CNTNAP3B: variants seen among roughly 807,000 people sequenced by gnomAD.
CNTNAP3B encodes contactin associated protein family member 3B.
A neutral mutation model predicts 108.9 loss-of-function variants in CNTNAP3B; 25 were observed. That is an observed-to-expected ratio of 0.23 (90% CI 0.17 to 0.32). The LOEUF (loss-of-function observed/expected upper bound fraction) is 0.32. Among genes scored for constraint, CNTNAP3B ranks in the 10% least tolerant of loss-of-function variants. The pLI is 1.00. For synonymous variants in CNTNAP3B, 103 were observed against 473.4 expected, an observed-to-expected ratio of 0.22 and a Z score of 10.16; for missense variants, 252 against 1,210.4, an observed-to-expected ratio of 0.21 and a Z score of 11.75.
At chr9:42,113,540 T>G (rs185498542) in intron 1 of CNTNAP3B, among the ~76,000 whole-genome samples, 1,938 of 138,358 alleles carry the variant, frequency 0.014, 294 homozygotes, top group South Asian at 0.06. Flanking sequence ...CAGAAAAAAA[T>G]ACAACAACAC....
At chr9:42,091,129 T>C (rs1285160400) in intron 2 of CNTNAP3B, among the ~76,000 whole-genome samples, 3 of 30,146 alleles carry the variant, frequency 1.0e-4, no homozygotes, top group African/African-American at 2.9e-4. Context: ...AAATTAATCA[T>C]ACACTTGTGA....
intron 3 of CNTNAP3B, among the ~76,000 whole-genome samples, chr9:42,061,309 TTC>T (rs1402185167): frequency 2.7e-5 from 3 of 109,842 alleles, no homozygotes; most frequent in East Asian, 3.8e-4. Flanking sequence ...TTTCTGAATT[TTC>T]TTTTTCTTTT....
chr9:41,944,575 T>C (rs2118103668), intron 13 of CNTNAP3B, among the ~76,000 whole-genome samples: 1 of 152,292 alleles, frequency 6.6e-6, no homozygotes, highest in African/African-American at 2.4e-5. Context: ...GGATATGGAA[T>C]CATATAAAAT....
At chr9:42,075,394 C>T (rs868562487) in intron 3 of CNTNAP3B, among the ~76,000 whole-genome samples, 13 of 139,804 alleles carry the variant, frequency 9.3e-5, no homozygotes, top group Non-Finnish European at 4.6e-5. Flanking sequence ...GAAGCTCACA[C>T]TGTGAGCGGG....
At chr9:41,958,995 C>T (rs1453951220) in intron 12 of CNTNAP3B, among the ~76,000 whole-genome samples, 5 of 139,958 alleles carry the variant, frequency 3.6e-5, no homozygotes, top group African/African-American at 1.1e-4. Flanking sequence ...TCCAACAATT[C>T]GTCAATTAAG....
rs974070259 is a variant in CNTNAP3B, at chr9:42,024,936, A to G, written c.391-11411T>C. On this transcript the variant is annotated intron_variant, in intron 3 of 23. Transcript: ENST00000377561. Reference sequence around the variant, plus strand: ...TCTGAATATCCTGGTTTCTTACAACAGTGATATATCAACTTTCCATTAGAG... The same window carrying G: ...TCTGAATATCCTGGTTTCTTACAACGGTGATATATCAACTTTCCATTAGAG... 1.2e-4 allele frequency among the ~76,000 whole-genome samples: 17 copies of G among 144,402 alleles called. 1 individual carries two copies. The highest frequency in any genetic ancestry group is 4.2e-4 in the African/African-American group (16 of 38,102). The allele number at this position is 144,402 out of a possible 152,430, so 94.7% of individuals were successfully genotyped here.
intron 13 of CNTNAP3B, among the ~76,000 whole-genome samples, chr9:41,942,920 G>T (rs1824404147): frequency 6.6e-6 from 1 of 152,254 alleles, no homozygotes; most frequent in Non-Finnish European, 1.5e-5. Flanking sequence ...CCTTACCTCA[G>T]TTCCTTTGCC....
At chr9:42,035,862 G>T (rs1412729329) in intron 3 of CNTNAP3B, among the ~76,000 whole-genome samples, 2 of 144,400 alleles carry the variant, frequency 1.4e-5, no homozygotes, top group East Asian at 4.1e-4. Context: ...ATGAGGTCTT[G>T]CTATGTTGCC....
At chr9:41,936,041 C>T (rs1744266794) in intron 14 of CNTNAP3B, among the ~76,000 whole-genome samples, 1 of 152,246 alleles carries the variant, frequency 6.6e-6, no homozygotes, top group Admixed American at 6.5e-5. Flanking sequence ...ATAAAGTATG[C>T]ACTTAATACT....
intron 14 of CNTNAP3B, among the ~76,000 whole-genome samples, chr9:41,935,043 T>C (rs1443547467): frequency 6.6e-6 from 1 of 152,108 alleles, no homozygotes; most frequent in Non-Finnish European, 1.5e-5. Flanking sequence ...ATATGTATAT[T>C]TTAGAGAATA....
rs1401829880 is a variant in CNTNAP3B at position 42,094,061 on chromosome 9, T to A, written c.196+10568A>T. ...CCAAAGTCACACAGCTAGTAAGGGG[T>A]AGAGCCTGGATGATTCCAAGCTTAT... On this transcript the variant is annotated intron_variant, in intron 2 of 23. Coordinates refer to ENST00000377561, the MANE Select transcript of CNTNAP3B (RefSeq NM_001201380.3). Among the ~76,000 whole-genome samples, 6 of 135,878 alleles carry A rather than the reference T, an allele frequency of 4.4e-5. 2 individuals are homozygous for A. Among genetic ancestry groups the A allele is most frequent in the African/African-American group, 1.8e-4 (6 of 34,028 alleles). The allele number at this position is 135,878 out of a possible 152,430, so 89.1% of individuals were successfully genotyped here.
chr9:41,965,659 C>T (rs1468345559), intron 10 of CNTNAP3B, among the ~76,000 whole-genome samples: 1 of 151,872 alleles, frequency 6.6e-6, no homozygotes, highest in Admixed American at 6.6e-5. Context: ...CATCATAGTC[C>T]ATGCTGGAGC....
At chr9:42,024,676 A>G (rs1270824231) in intron 3 of CNTNAP3B, among the ~76,000 whole-genome samples, 3 of 136,564 alleles carry the variant, frequency 2.2e-5, no homozygotes, top group East Asian at 4.7e-4. Flanking sequence ...TCACAAAAAA[A>G]AAAAAAAAGA....
At chr9:41,963,798 G>A (rs199864334) in intron 11 of CNTNAP3B, among the ~76,000 whole-genome samples, 4 of 152,238 alleles carry the variant, frequency 2.6e-5, no homozygotes, top group Non-Finnish European at 5.9e-5. Context: ...AACTAGCTGG[G>A]GGCCAAGTTA....
At chr9:42,108,764 TTG>T (rs1403729902) in intron 1 of CNTNAP3B, among the ~76,000 whole-genome samples, 2 of 138,628 alleles carry the variant, frequency 1.4e-5, no homozygotes, top group Non-Finnish European at 3.1e-5. Context: ...TGGTCTTGAT[TTG>T]TCCCCTGACC....
intron 11 of CNTNAP3B, among the ~76,000 whole-genome samples, chr9:41,963,784 C>T (rs539243626): frequency 6.6e-6 from 1 of 152,390 alleles, no homozygotes; most frequent in Non-Finnish European, 1.5e-5. Context: ...CTCATCTTCC[C>T]ACAAACTAGC....
rs1002241913 is a variant in CNTNAP3B at position 42,116,992 on chromosome 9, G to T, written c.85+12018C>A. On this transcript the variant is annotated intron_variant, in intron 1 of 23. Coordinates refer to ENST00000377561, the MANE Select transcript of CNTNAP3B (RefSeq NM_001201380.3). ...AGAGTTAAATATCCTAAATATATAT[G>T]CACCCAGTACAGGAGCACCCAGACT... Among the ~76,000 whole-genome samples the T allele has an allele frequency of 1.4e-5, 2 of 139,422 alleles. 1 individual carries two copies. Among genetic ancestry groups the T allele is most frequent in the Admixed American group, 1.4e-4 (2 of 14,022 alleles). 91.5% of individuals were successfully genotyped at this position (139,422 alleles called of 152,430 possible). A position where few individuals can be genotyped will look rare whatever the true frequency, so the allele number is the denominator to read the frequency against.
intron 1 of CNTNAP3B, among the ~76,000 whole-genome samples, chr9:42,121,070 C>T (rs1828451497): frequency 7.2e-6 from 1 of 138,606 alleles, no homozygotes; most frequent in Admixed American, 7.2e-5. Context: ...GCAACCCATT[C>T]GTTCATATTC....
chr9:42,121,740 G>A (rs1282397499), intron 1 of CNTNAP3B, among the ~76,000 whole-genome samples: 1 of 139,894 alleles, frequency 7.1e-6, no homozygotes, highest in Non-Finnish European at 1.5e-5. Context: ...TTATCTATAG[G>A]TAAGAGCTCA....
Sources: allele counts gnomAD v4.1 joint callset (sites outside exome capture counted in the v4.1 genomes callset), GRCh38; gene constraint gnomAD v4.1.1; transcripts MANE v1.5; gene names NCBI Gene and HGNC (gene_info 2026-07-23, HGNC 2026-07-21).